The following ZNF248 variants were observed in gnomAD, a reference collection of about 807,000 sequenced individuals.
ZNF248 encodes KRAB protein domain.
ZNF248 carries 20 observed loss-of-function variants against 44.3 expected under a neutral mutation model. The observed-to-expected ratio is 0.45, with a 90% CI of 0.32 to 0.66. The LOEUF is 0.66. Among genes scored for constraint, ZNF248 ranks in the 30% least tolerant of loss-of-function variants. ZNF248 has a pLI of 0.04. For missense variants in ZNF248, 654 were observed against 677.0 expected, an observed-to-expected ratio of 0.97 and a Z score of 0.38; for synonymous variants, 224 against 229.0, an observed-to-expected ratio of 0.98 and a Z score of 0.20.
intron 5 of ZNF248, among the ~76,000 whole-genome samples, chr10:37,835,082 G>T (rs1473060916): frequency 1.3e-5 from 2 of 151,886 alleles, no homozygotes; most frequent in Non-Finnish European, 2.9e-5. Flanking sequence ...AGCAACTTTA[G>T]GTTAGTTTGT....
At chr10:37,827,663 T>C (rs1003016378), downstream of ZNF248, among the ~76,000 whole-genome samples, 1 of 151,630 alleles carries the variant, frequency 6.6e-6, no homozygotes, top group Admixed American at 6.6e-5. Flanking sequence ...AGTGGAAAAA[T>C]AGGAATGGGA....
At chr10:37,759,569 ATC>A in the ZNF248 span, among the ~76,000 whole-genome samples, 2 of 152,244 alleles carry the variant, frequency 1.3e-5, no homozygotes, top group South Asian at 2.1e-4. Context: ...TAATCCATTC[ATC>A]TCTGTTAGTC....
intron 6 of ZNF248, among the ~76,000 whole-genome samples, chr10:37,811,844 C>T (rs1211745325): frequency 6.6e-6 from 1 of 151,444 alleles, no homozygotes. Context: ...GATGTTGTGT[C>T]AAAAAAAGTA....
chr10:37,839,296 C>T (rs1202010253), intron 3 of ZNF248, among the ~76,000 whole-genome samples: 2 of 152,160 alleles, frequency 1.3e-5, no homozygotes, highest in Non-Finnish European at 2.9e-5. Flanking sequence ...AGGAATTTCG[C>T]TGATTTTGCT....
downstream of ZNF248, among the ~76,000 whole-genome samples, chr10:37,828,218 C>G (rs1200223615): frequency 1.3e-5 from 2 of 152,190 alleles, no homozygotes; most frequent in South Asian, 2.1e-4. Flanking sequence ...TGAACACACT[C>G]TTCTTCGAGA....
chr10:37,825,723 G>A (rs528742019), downstream of ZNF248, among the ~76,000 whole-genome samples: 34 of 152,234 alleles, frequency 2.2e-4, no homozygotes, highest in East Asian at 5.8e-3. Flanking sequence ...TTAGAGGCAT[G>A]AGCCACCCCA....
chr10:37,764,155 C>A, the ZNF248 span, among the ~76,000 whole-genome samples: 1 of 152,130 alleles, frequency 6.6e-6, no homozygotes, highest in Non-Finnish European at 1.5e-5. Flanking sequence ...TTTTTCTCAG[C>A]AAGGAACAGC....
intron 6 of ZNF248, chr10:37,820,226 T>C: frequency 3.7e-6 from 5 of 1,333,502 alleles, no homozygotes; most frequent in Middle Eastern, 1.8e-4. Context: ...ACTGGGTCTG[T>C]CTGTGCCAGA....
Position 37,832,419 on chromosome 10 carries a change from G to A in ZNF248, c.936C>T (p.Phe312=), listed in dbSNP as rs2056004391. 1 of 1,613,854 alleles carries A rather than the reference G, an allele frequency of 6.2e-7. No individual in the cohort carries two copies. The highest frequency in any genetic ancestry group is 8.5e-7 in the Non-Finnish European group (1 of 1,179,966). ...YGEIFCDNSA[F]IIHQGAYTRK... is the part of the protein sequence containing the mutation. The stretch of plus-strand genomic sequence containing the variant: ...TTGTGTAAGCTCCCTGATGGATAAT[G>A]AAAGCTGAATTGTCACAGAAGATTT... The change falls in exon 6 of 6, where the codon TTC becomes TTT. Residue 312 remains phenylalanine, a synonymous_variant. Coordinates refer to ENST00000395867, the MANE Select transcript of ZNF248 (RefSeq NM_021045.3).
chr10:37,816,437 A>G (rs969560004), intron 6 of ZNF248, among the ~76,000 whole-genome samples: 4 of 152,222 alleles, frequency 2.6e-5, no homozygotes, highest in African/African-American at 9.6e-5. Flanking sequence ...AGCCACTACC[A>G]TGCTCAGAGC....
At chr10:37,840,848 G>T (rs2058211758) in intron 3 of ZNF248, among the ~76,000 whole-genome samples, 1 of 152,128 alleles carries the variant, frequency 6.6e-6, no homozygotes, top group Non-Finnish European at 1.5e-5. Flanking sequence ...GGTCTGGCAG[G>T]TATATAATGA....
intron 6 of ZNF248, chr10:37,803,879 G>C (rs1294417348): frequency 6.5e-6 from 1 of 152,736 alleles, no homozygotes; most frequent in Non-Finnish European, 1.5e-5. Context: ...GAGCTCAGAA[G>C]AAACATCAAG....
intron 6 of ZNF248, chr10:37,794,403 T>A (rs2048900364): frequency 6.3e-6 from 1 of 158,338 alleles, no homozygotes. Context: ...TTTCCCACAT[T>A]CAGTACATTC....
At position 37,830,341 on chromosome 10, in the gene ZNF248, A is replaced by G. The variant is rs1441917126; in HGVS notation, c.*1274T>C. 6.1e-6 allele frequency: 6 copies of G among 980,410 alleles called. No homozygotes were observed. The highest frequency in any genetic ancestry group is 7.3e-6 in the Non-Finnish European group (6 of 825,474). 60.7% of individuals were successfully genotyped at this position (980,410 alleles called of 1,614,324 possible). ...TTCAATAATGGCCATATTCATGCAT[A>G]TATGCCAGGAAACAGTCAGAGGAAA... On this transcript the variant is annotated 3_prime_UTR_variant, in exon 6 of 6. Transcript: ENST00000395867.
chr10:37,819,729 T>C, intron 6 of ZNF248: 1 of 782,420 alleles, frequency 1.3e-6, no homozygotes, highest in Non-Finnish European at 2.4e-6. Context: ...TCTGCTAATG[T>C]TAACGTTTTA....
At chr10:37,818,738 A>G (rs550595434) in intron 6 of ZNF248, 2 of 628,472 alleles carry the variant, frequency 3.2e-6, no homozygotes, top group Non-Finnish European at 5.7e-6. Context: ...GCATCAATGC[A>G]GTCCTCCTTT....
At chr10:37,781,615 G>A (rs2047330389) in intron 6 of ZNF248, among the ~76,000 whole-genome samples, 1 of 151,910 alleles carries the variant, frequency 6.6e-6, no homozygotes, top group Admixed American at 6.5e-5. Context: ...GGACTTCAGT[G>A]TACCAGCACC....
chr10:37,837,533 A>C (rs543618887), intron 5 of ZNF248, 84 bp downstream of exon 5: 2 of 1,156,656 alleles, frequency 1.7e-6, no homozygotes, highest in African/African-American at 1.5e-5. Flanking sequence ...TTTGTGAAAA[A>C]TATTCCAAAG....
intron 3 of ZNF248, among the ~76,000 whole-genome samples, chr10:37,844,933 C>A (rs1275274418): frequency 2.3e-5 from 1 of 42,970 alleles, no homozygotes; most frequent in African/African-American, 9.9e-5. Context: ...TCCCCCTCCT[C>A]TTCCCTCCCC....
Sources: allele counts gnomAD v4.1 joint callset (sites outside exome capture counted in the v4.1 genomes callset), GRCh38; gene constraint gnomAD v4.1.1; transcripts MANE v1.5; gene names NCBI Gene and HGNC (gene_info 2026-07-23, HGNC 2026-07-21).